VCF2: variants seen among roughly 807,000 people sequenced by gnomAD.
The protein encoded by VCF2 is VCP nuclear cofactor family member 2.
chrX:55,145,510 T>C, the VCF2 span: 1 of 755,004 alleles, frequency 1.3e-6, no homozygotes, highest in Non-Finnish European at 1.6e-6. Context: ...TGGGTCTGAT[T>C]GTTGCCATTA....
the VCF2 span, chrX:55,143,937 C>T: frequency 1.3e-6 from 1 of 781,555 alleles, no homozygotes; most frequent in Non-Finnish European, 1.9e-6. Flanking sequence ...TTACACTGAC[C>T]ACTCTGGAAT....
At chrX:55,158,156 G>A in the VCF2 span, among the ~76,000 whole-genome samples, 1 of 112,184 alleles carries the variant, frequency 8.9e-6, no homozygotes, top group Non-Finnish European at 1.9e-5. Context: ...TAGGTACCAA[G>A]AAGAGGACCT....
chrX:55,155,885 A>G, the VCF2 span, among the ~76,000 whole-genome samples: 3 of 109,841 alleles, frequency 2.7e-5, no homozygotes, highest in Non-Finnish European at 5.7e-5. Flanking sequence ...ATAAAATTAT[A>G]TAACACTTTT....
At chrX:55,160,337 G>A in the VCF2 span, among the ~76,000 whole-genome samples, 2 of 112,186 alleles carry the variant, frequency 1.8e-5, no homozygotes, top group African/African-American at 3.2e-5. Flanking sequence ...AGTATTTTGC[G>A]CTCAAGTTTT....
chrX:55,154,242 C>A, the VCF2 span, among the ~76,000 whole-genome samples: 1 of 111,845 alleles, frequency 8.9e-6, no homozygotes, highest in Non-Finnish European at 1.9e-5. Flanking sequence ...CCTGCCTCAG[C>A]CTCCCAAAGT....
the VCF2 span, among the ~76,000 whole-genome samples, chrX:55,150,194 T>C: frequency 8.9e-6 from 1 of 112,089 alleles, no homozygotes. Context: ...TGTTTCAGAA[T>C]TGTATGAAAT....
the VCF2 span, among the ~76,000 whole-genome samples, chrX:55,159,622 T>G: frequency 8.9e-6 from 1 of 112,283 alleles, no homozygotes; most frequent in African/African-American, 3.2e-5. Context: ...GTAAGACATG[T>G]GTGTCTGCCA....
At chrX:55,151,317 A>G in the VCF2 span, among the ~76,000 whole-genome samples, 1 of 112,252 alleles carries the variant, frequency 8.9e-6, no homozygotes, top group Admixed American at 9.4e-5. Context: ...GGCCTCATAT[A>G]TTGTCTACAC....
the VCF2 span, chrX:55,159,209 T>G: frequency 8.3e-7 from 1 of 1,206,284 alleles, no homozygotes; most frequent in Non-Finnish European, 1.1e-6. Flanking sequence ...CCCTCTTTAC[T>G]GCCATTTCTT....
At chrX:55,154,531 G>A in the VCF2 span, among the ~76,000 whole-genome samples, 1 of 112,342 alleles carries the variant, frequency 8.9e-6, no homozygotes, top group Non-Finnish European at 1.9e-5. Flanking sequence ...CTCTAAAGAA[G>A]GGGATCTCAT....
At chrX:55,146,436 T>G in the VCF2 span, 3 of 586,933 alleles carry the variant, frequency 5.1e-6, no homozygotes, top group South Asian at 8.4e-5. Flanking sequence ...GTAGAGCCAT[T>G]TAAGATAGTT....
At chrX:55,147,889 T>C in the VCF2 span, among the ~76,000 whole-genome samples, 6 of 110,955 alleles carry the variant, frequency 5.4e-5, no homozygotes, top group Admixed American at 1.9e-4. Context: ...AACTCAATTG[T>C]GTACAGATAG....
the VCF2 span, chrX:55,146,384 A>G: frequency 1.0e-6 from 1 of 959,736 alleles, no homozygotes; most frequent in South Asian, 2.0e-5. Context: ...CTTGGAGAAT[A>G]GCAGCATAAA....
At chrX:55,143,107 T>TA in the VCF2 span, 1 of 109,499 alleles carries the variant, frequency 9.1e-6, no homozygotes, top group Admixed American at 9.8e-5. Context: ...AGACCGAGAG[T>TA]AAAAAAGCTG....
chrX:55,146,215 G>A, the VCF2 span: 9 of 1,209,504 alleles, frequency 7.4e-6, no homozygotes, highest in African/African-American at 1.6e-4. Context: ...TTTGCATCGG[G>A]TTCAGTAACA....
the VCF2 span, among the ~76,000 whole-genome samples, chrX:55,148,264 TAATA>T: frequency 9.9e-5 from 11 of 110,568 alleles, no homozygotes; most frequent in Non-Finnish European, 1.7e-4. Flanking sequence ...TTAAGTTAAA[TAATA>T]AATACTCATT....
At chrX:55,152,366 T>C in the VCF2 span, among the ~76,000 whole-genome samples, 6 of 112,292 alleles carry the variant, frequency 5.3e-5, no homozygotes, top group Admixed American at 2.8e-4. Flanking sequence ...TCTTTTTGTT[T>C]GTTGTTTTCT....
chrX:55,153,652 C>T, the VCF2 span, among the ~76,000 whole-genome samples: 1 of 110,650 alleles, frequency 9.0e-6, no homozygotes, highest in East Asian at 2.8e-4. Context: ...TGAGCCACCG[C>T]GCCCGTCCTG....
chrX:55,144,955 G>A, the VCF2 span, among the ~76,000 whole-genome samples: 3 of 112,914 alleles, frequency 2.7e-5, no homozygotes, highest in Non-Finnish European at 5.6e-5. Flanking sequence ...GCTCACCACT[G>A]AGGAAGCACA....
Sources: gnomAD v4.1 joint callset for allele counts (sites outside exome capture counted in the v4.1 genomes callset) on GRCh38, gnomAD v4.1.1 for gene constraint, MANE v1.5 for transcripts, NCBI Gene and HGNC (gene_info 2026-07-23, HGNC 2026-07-21) for gene names.